CTNNA3: variants seen among roughly 807,000 people sequenced by gnomAD.
CTNNA3 encodes the protein catenin alpha-3.
Under a neutral mutation model 95.7 loss-of-function variants are expected in CTNNA3, and 76 were observed. The observed-to-expected ratio is 0.79, with a 90% CI of 0.66 to 0.96. CTNNA3 has a LOEUF of 0.96. Among genes scored for constraint, CTNNA3 ranks in the 40% least tolerant of loss-of-function variants. The pLI is 0.00. For synonymous variants in CTNNA3, 431 were observed against 374.4 expected, an observed-to-expected ratio of 1.15 and a Z score of -1.74; for missense variants, 1,191 against 1,089.8, an observed-to-expected ratio of 1.09 and a Z score of -1.31.
intron 7 of CTNNA3, among the ~76,000 whole-genome samples, chr10:67,163,328 T>C (rs1380257559): frequency 6.6e-6 from 1 of 152,038 alleles, no homozygotes; most frequent in African/African-American, 2.4e-5. Context: ...AAAATCAATG[T>C]AATCTACCAT....
chr10:67,323,081 A>T (rs571877988), intron 5 of CTNNA3, among the ~76,000 whole-genome samples: 12 of 152,014 alleles, frequency 7.9e-5, no homozygotes, highest in African/African-American at 2.9e-4. Flanking sequence ...TTTTTCTTGT[A>T]AATTTGTTTA....
At chr10:66,594,132 C>T (rs1458116091) in intron 10 of CTNNA3, among the ~76,000 whole-genome samples, 1 of 152,070 alleles carries the variant, frequency 6.6e-6, no homozygotes, top group Non-Finnish European at 1.5e-5. Context: ...CAAATCTTTC[C>T]CAGCTCAGTA....
At chr10:66,718,033 A>G (rs1848507895) in intron 9 of CTNNA3, among the ~76,000 whole-genome samples, 1 of 152,234 alleles carries the variant, frequency 6.6e-6, no homozygotes, top group Non-Finnish European at 1.5e-5. Context: ...AAAGTTATGA[A>G]GAAAAACAAA....
intron 7 of CTNNA3, among the ~76,000 whole-genome samples, chr10:66,957,484 G>T (rs7082378): frequency 0.27 from 39,126 of 143,782 alleles, 5,773 homozygotes; most frequent in Middle Eastern, 0.33. Context: ...GATCCTGAAG[G>T]AAGATTACAA....
At chr10:67,672,574 G>A (rs144770555) in intron 1 of CTNNA3, among the ~76,000 whole-genome samples, 23,516 of 151,860 alleles carry the variant, frequency 0.15, 2,940 homozygotes, top group African/African-American at 0.35. Context: ...AGCTTTCTAC[G>A]TAGGGCTAGC....
chr10:66,108,907 G>A (rs1214185270), intron 13 of CTNNA3, among the ~76,000 whole-genome samples: 5 of 151,904 alleles, frequency 3.3e-5, no homozygotes, highest in African/African-American at 1.2e-4. Flanking sequence ...CTAAAGAAAA[G>A]TATATGCAAA....
chr10:67,486,970 T>C (rs1005607933), intron 5 of CTNNA3, among the ~76,000 whole-genome samples: 1 of 152,196 alleles, frequency 6.6e-6, no homozygotes. Context: ...TCCAGTAATA[T>C]TGATACCAAT....
At chr10:66,460,654 T>C (rs193259982) in intron 11 of CTNNA3, among the ~76,000 whole-genome samples, 2 of 152,264 alleles carry the variant, frequency 1.3e-5, no homozygotes, top group African/African-American at 4.8e-5. Context: ...ATAGAGCGAC[T>C]GAGCATTAGG....
intron 13 of CTNNA3, among the ~76,000 whole-genome samples, chr10:66,222,599 C>CGAAAGAAAGAAA (rs67153927): frequency 0.084 from 6,907 of 82,710 alleles, 214 homozygotes; most frequent in Admixed American, 0.14. Flanking sequence ...AAAGAAAGAA[C>CGAAAGAAAGAAA]GAAAGAAAGA....
chr10:66,972,352 G>T (rs1849767307), intron 7 of CTNNA3, among the ~76,000 whole-genome samples: 1 of 152,044 alleles, frequency 6.6e-6, no homozygotes, highest in Non-Finnish European at 1.5e-5. Flanking sequence ...ATGAAATGAG[G>T]TCTATGTTGC....
At chr10:67,414,647 C>T (rs953567172) in intron 5 of CTNNA3, among the ~76,000 whole-genome samples, 1 of 152,306 alleles carries the variant, frequency 6.6e-6, no homozygotes, top group Admixed American at 6.5e-5. Context: ...AAACTTCAGA[C>T]TAATATCCCT....
intron 14 of CTNNA3, among the ~76,000 whole-genome samples, chr10:66,089,132 A>C (rs1048172606): frequency 1.3e-5 from 2 of 151,740 alleles, no homozygotes; most frequent in Admixed American, 1.3e-4. Context: ...TTGGTATCAC[A>C]TTTGGAACAT....
At chr10:66,359,647 G>A (rs745863229) in intron 12 of CTNNA3, among the ~76,000 whole-genome samples, 1 of 151,930 alleles carries the variant, frequency 6.6e-6, no homozygotes, top group Non-Finnish European at 1.5e-5. Flanking sequence ...TGCATTAAAG[G>A]TTCACATCTG....
intron 7 of CTNNA3, among the ~76,000 whole-genome samples, chr10:67,047,695 C>G (rs1854839553): frequency 6.6e-6 from 1 of 152,048 alleles, no homozygotes. Context: ...TACCCATCAG[C>G]TTTCACATAC....
In CTNNA3 at chr10:67,490,391, T is replaced by C. The variant is rs140700854; in HGVS notation, c.579+31451A>G. On this transcript the variant is annotated intron_variant, in intron 5 of 17. Coordinates refer to ENST00000433211, the MANE Select transcript of CTNNA3 (RefSeq NM_013266.4). The stretch of plus-strand genomic sequence containing the variant: ...GCTTAAGTCTGAATCTCCCAGCACA[T>C]ACTCCAAAAATAAAAATAAAAAATA... Among the ~76,000 whole-genome samples the C allele has an allele frequency of 3.3e-5, 5 of 152,244 alleles. No individual in the cohort carries two copies. In the East Asian group the frequency reaches 7.7e-4, roughly 23 times the overall value.
At chr10:66,419,613 G>A (rs1343412519) in intron 11 of CTNNA3, among the ~76,000 whole-genome samples, 1 of 152,098 alleles carries the variant, frequency 6.6e-6, no homozygotes, top group Non-Finnish European at 1.5e-5. Context: ...TAAAGCTGGA[G>A]GCATCATACT....
At chr10:66,553,036 AT>A (rs2132112824) in intron 10 of CTNNA3, among the ~76,000 whole-genome samples, 1 of 152,084 alleles carries the variant, frequency 6.6e-6, no homozygotes, top group African/African-American at 2.4e-5. Context: ...TTTCTCTGAT[AT>A]TGGTTATTTA....
intron 7 of CTNNA3, among the ~76,000 whole-genome samples, chr10:67,088,321 C>A (rs1022228971): frequency 2.0e-5 from 3 of 151,788 alleles, no homozygotes; most frequent in African/African-American, 7.3e-5. Context: ...ATGAATATTT[C>A]TCTTTGGTTT....
chr10:65,964,689 TA>T (rs1424284097), intron 17 of CTNNA3, among the ~76,000 whole-genome samples: 1 of 152,178 alleles, frequency 6.6e-6, no homozygotes, highest in African/African-American at 2.4e-5. Context: ...ATATGAAATT[TA>T]GACCTTACAA....
Sources: allele counts gnomAD v4.1 joint callset (sites outside exome capture counted in the v4.1 genomes callset), GRCh38; gene constraint gnomAD v4.1.1; transcripts MANE v1.5; gene names NCBI Gene and HGNC (gene_info 2026-07-23, HGNC 2026-07-21).